Variants in GSTCD observed in about 807,000 individuals in gnomAD.
GSTCD encodes glutathione S-transferase C-terminal domain containing.
A neutral mutation model predicts 68.3 loss-of-function variants in GSTCD; 44 were observed. The observed-to-expected ratio is 0.64, with a 90% CI of 0.51 to 0.83. GSTCD has a LOEUF of 0.83. GSTCD is among the 40% of genes least tolerant of loss of function. The probability of loss-of-function intolerance (pLI) is 0.00; values close to 1 mark genes in which losing one functional copy is unlikely to be tolerated. For synonymous variants in GSTCD, 273 were observed against 255.2 expected (o/e 1.07, Z -0.67); for missense variants, 739 against 735.9 (o/e 1.00, Z -0.05).
At chr4:105,822,446 AG>A (rs1482818005) in intron 5 of GSTCD, among the ~76,000 whole-genome samples, 7 of 152,272 alleles carry the variant, frequency 4.6e-5, no homozygotes, top group African/African-American at 1.7e-4. Context: ...CAAGAGTTCA[AG>A]GATGTGCCAA....
chr4:105,780,064 C>T (rs1735218917), intron 5 of GSTCD, among the ~76,000 whole-genome samples: 1 of 152,152 alleles, frequency 6.6e-6, no homozygotes, highest in South Asian at 2.1e-4. Flanking sequence ...CATATTGCTC[C>T]TTGCCAACAA....
chr4:105,825,436 G>GT (rs1318235274), intron 7 of GSTCD, among the ~76,000 whole-genome samples: 1 of 151,992 alleles, frequency 6.6e-6, no homozygotes, highest in East Asian at 1.9e-4. Context: ...GGCCCACGCT[G>GT]TATTATTATT....
intron 8 of GSTCD, 71 bp from the exon 9 acceptor site, chr4:105,834,390 T>G: frequency 6.7e-7 from 1 of 1,484,656 alleles, no homozygotes; most frequent in Non-Finnish European, 9.3e-7. Flanking sequence ...ATGAGAACTA[T>G]TTAAAAGGCA....
chr4:105,762,313 A>G (rs1734441265), intron 5 of GSTCD, among the ~76,000 whole-genome samples: 1 of 152,194 alleles, frequency 6.6e-6, no homozygotes, highest in Non-Finnish European at 1.5e-5. Flanking sequence ...TTTCTCCCCA[A>G]AGCTTTGTAA....
chr4:105,841,330 A>T (rs1242128361), intron 10 of GSTCD, among the ~76,000 whole-genome samples: 1 of 152,052 alleles, frequency 6.6e-6, no homozygotes, highest in Non-Finnish European at 1.5e-5. Context: ...TCTCAAAAAA[A>T]AAAAAGAAAG....
At chr4:105,806,907 T>A (rs1368483626) in intron 5 of GSTCD, among the ~76,000 whole-genome samples, 2 of 152,084 alleles carry the variant, frequency 1.3e-5, no homozygotes, top group East Asian at 3.9e-4. Context: ...CAGCAGTTTT[T>A]CTTATCAGTT....
chr4:105,834,691 T>C, intron 9 of GSTCD, 97 bp downstream of exon 9: 1 of 1,029,684 alleles, frequency 9.7e-7, no homozygotes, highest in Non-Finnish European at 1.4e-6. Context: ...AATTTTTGGC[T>C]CATTTCTTCT....
intron 6 of GSTCD, 66 bp from the exon 7 acceptor site, chr4:105,823,165 T>C (rs1723398788): frequency 6.3e-7 from 1 of 1,589,158 alleles, no homozygotes; most frequent in Non-Finnish European, 8.6e-7. Context: ...GGCAAGATTG[T>C]GGTTTCAGAA....
intron 5 of GSTCD, among the ~76,000 whole-genome samples, chr4:105,774,158 T>C (rs1178307316): frequency 2.0e-5 from 3 of 152,236 alleles, no homozygotes; most frequent in African/African-American, 7.2e-5. Context: ...GTCAGTTTTA[T>C]CAGAGACTAG....
At chr4:105,800,238 A>C (rs758448207) in intron 5 of GSTCD, among the ~76,000 whole-genome samples, 1 of 152,142 alleles carries the variant, frequency 6.6e-6, no homozygotes, top group South Asian at 2.1e-4. Flanking sequence ...GGCGGCAGGC[A>C]AGAAGAGAGC....
chr4:105,829,483 G>A (rs1723808204), intron 8 of GSTCD, among the ~76,000 whole-genome samples: 1 of 152,162 alleles, frequency 6.6e-6, no homozygotes, highest in East Asian at 1.9e-4. Context: ...CATGGCTAGG[G>A]AGGCCTCACA....
At chr4:105,795,327 C>G (rs1336862128) in intron 5 of GSTCD, among the ~76,000 whole-genome samples, 1 of 117,804 alleles carries the variant, frequency 8.5e-6, no homozygotes, top group African/African-American at 3.1e-5. Flanking sequence ...ATATCATGTT[C>G]TCCTTGTTCT....
intron 3 of GSTCD, among the ~76,000 whole-genome samples, chr4:105,720,692 T>C (rs1732833718): frequency 6.6e-6 from 1 of 152,164 alleles, no homozygotes; most frequent in Non-Finnish European, 1.5e-5. Context: ...AAGACATTGA[T>C]TTTTAAATTT....
chr4:105,717,542 C>A, intron 1 of GSTCD, 51 bp from the exon 2 acceptor site: 1 of 1,102,450 alleles, frequency 9.1e-7, no homozygotes, highest in Non-Finnish European at 1.3e-6. Flanking sequence ...TTTATTTTAG[C>A]TTCTAAATGA....
chr4:105,775,425 C>A (rs564298828), intron 5 of GSTCD, among the ~76,000 whole-genome samples: 1 of 152,296 alleles, frequency 6.6e-6, no homozygotes, highest in East Asian at 1.9e-4. Flanking sequence ...GGAGAAAAGG[C>A]ATTCTGGATT....
rs187978051 is a variant in GSTCD at position 105,823,063 on chromosome 4, C to T, written c.1350C>T (p.Ser450=). 638 of 1,611,402 alleles carry T rather than the reference C, an allele frequency of 4.0e-4. 5 individuals carry two copies. The Admixed American group carries it at 0.01, about 26-fold the overall frequency. Residue 450 remains serine, a synonymous_variant, in exon 6 of 12, where the codon AGC becomes AGT. Transcript: ENST00000515279. The part of the protein sequence containing the change: ...KPGDRIVDFC[S]GGGHVGIVLA... ...GTGACAGAATTGTGGATTTCTGCAG[C>T]GGTGGGGTATTTTATCTCTCCTTTC...
At chr4:105,791,298 C>T (rs1482591180) in intron 5 of GSTCD, among the ~76,000 whole-genome samples, 2 of 149,986 alleles carry the variant, frequency 1.3e-5, no homozygotes. Flanking sequence ...GAGGCTGAGG[C>T]AGGAGAATGG....
At chr4:105,831,711 A>G (rs183530208) in intron 8 of GSTCD, among the ~76,000 whole-genome samples, 44 of 152,192 alleles carry the variant, frequency 2.9e-4, no homozygotes, top group Admixed American at 5.9e-4. Context: ...TAAGTTGTCA[A>G]TCCTTTCCCT....
intron 10 of GSTCD, chr4:105,840,240 T>G (rs370712745): frequency 2.9e-5 from 13 of 454,508 alleles, no homozygotes; most frequent in African/African-American, 2.6e-4. Context: ...TGAATCTTAA[T>G]TTACAAACAC....
Sources: gnomAD v4.1 joint callset for allele counts (sites outside exome capture counted in the v4.1 genomes callset) on GRCh38, gnomAD v4.1.1 for gene constraint, MANE v1.5 for transcripts, NCBI Gene and HGNC (gene_info 2026-07-23, HGNC 2026-07-21) for gene names.